Variants in PPM1N observed in about 807,000 individuals in gnomAD.
PPM1N encodes protein phosphatase, Mg2+/Mn2+ dependent 1N (putative), also known as probable protein phosphatase 1N.
In PPM1N, 35 loss-of-function variants were observed where a neutral mutation model predicts 32.6. The observed-to-expected ratio is 1.07, with a 90% CI of 0.82 to 1.43. PPM1N has a LOEUF of 1.43. PPM1N is among the 40% of genes most tolerant of loss of function. PPM1N has a pLI of 0.00. For missense variants in PPM1N, 648 were observed against 606.6 expected, an observed-to-expected ratio of 1.07 and a Z score of -0.72; for synonymous variants, 275 against 270.5, an observed-to-expected ratio of 1.02 and a Z score of -0.16.
chr19:45,499,612 G>C (rs773866543), intron 1 of PPM1N: 11 of 1,549,344 alleles, frequency 7.1e-6, no homozygotes, highest in Non-Finnish European at 7.8e-6. Flanking sequence ...TGAGGCACGG[G>C]AGAGTTAGTG....
chr19:45,499,328 G>A lies in PPM1N; in HGVS notation c.856G>A (p.Ala286Thr). 1 of 1,612,980 alleles carries A rather than the reference G, an allele frequency of 6.2e-7. No individual in the cohort carries two copies. Among genetic ancestry groups the A allele is most frequent in the Non-Finnish European group, 8.5e-7 (1 of 1,179,848 alleles). ...VWDTVSGAAL[A>T]GLVASRLRLG... ...GGACACTGTGTCTGGTGCTGCCCTG[G>A]CGGGACTGGTGGCTTCACGCCTCCG... is the stretch of plus-strand genomic sequence containing the variant. The change falls in exon 1 of 5, where the codon GCG (alanine) becomes ACG (threonine). Residue 286 changes from alanine (A) to threonine (T), a missense_variant. By Grantham distance (58) the Ala-to-Thr change is moderately conservative. Transcript: ENST00000451287.
chr19:45,498,803 G>A lies in PPM1N; in HGVS notation c.331G>A (p.Ala111Thr). 6.5e-7 allele frequency: 1 copy of A among 1,548,152 alleles called. No homozygotes were observed. The part of the protein sequence containing the change: ...VLDGHGGARA[A>T]RFGARHLPGH... ...CGACGGCCACGGTGGGGCTCGAGCT[G>A]CCCGCTTCGGTGCACGCCATTTGCC... The change falls in exon 1 of 5, where the codon GCC becomes ACC. Residue 111 changes from alanine (A) to threonine (T), a missense_variant. Transcript: ENST00000451287.
At chr19:45,499,664 C>A (rs990357589) in intron 1 of PPM1N, 2 of 1,547,078 alleles carry the variant, frequency 1.3e-6, no homozygotes, top group Admixed American at 2.0e-5. Flanking sequence ...TGGAAAGGGG[C>A]GATTCTGGGT....
Position 45,499,303 on chromosome 19 carries a change from G to T in PPM1N, c.831G>T (p.Trp277Cys). Reference sequence around the variant, plus strand: ...TGCTCCTGGCCTCTGATGGCGTCTGGGACACTGTGTCTGGTGCTGCCCTGG... The same window carrying T: ...TGCTCCTGGCCTCTGATGGCGTCTGTGACACTGTGTCTGGTGCTGCCCTGG... ...EFMLLASDGV[W>C]DTVSGAALAG... The change falls in exon 1 of 5, where the codon TGG (tryptophan) becomes TGT (cysteine). Residue 277 changes from tryptophan to cysteine, a missense_variant. Trp to Cys is a radical substitution (Grantham distance 215). Transcript: ENST00000451287. 6.2e-7 allele frequency: 1 copy of T among 1,613,162 alleles called. No homozygotes were observed. Among genetic ancestry groups the T allele is most frequent in the Non-Finnish European group, 8.5e-7 (1 of 1,179,852 alleles).
rs61574042 is a variant in PPM1N at position 45,502,308 on chromosome 19, GAAAAAAAAAAAAAAAA to G, written c.*234_*249del. 3.7e-5 allele frequency: 1 copy of G among 26,774 alleles called. No homozygotes were observed. The highest frequency in any genetic ancestry group is 1.7e-4 in the African/African-American group (1 of 5,724). The allele number at this position is 26,774 out of a possible 1,614,324, so 1.7% of individuals were successfully genotyped here. Reference sequence around the variant, plus strand: ...GACCAAAAAGAAAAAAGCCCAAATCGAAAAAAAAAAAAAAAAAAAAAAAAAACAAAAAAACCCAACC... The same window carrying G: ...GACCAAAAAGAAAAAAGCCCAAATCGAAAAAAAAAACAAAAAAACCCAACC... On this transcript the variant is annotated 3_prime_UTR_variant, in exon 5 of 5. Coordinates refer to ENST00000451287, the MANE Select transcript of PPM1N (RefSeq NM_001080401.2).
rs1406745857 is a variant in PPM1N at position 45,500,549 on chromosome 19, G to C, written c.1151G>C (p.Gly384Ala). The change falls in exon 3 of 5, where the codon GGG becomes GCG. Residue 384 changes from glycine to alanine, a missense_variant. Gly to Ala is a moderately conservative substitution (Grantham distance 60). Transcript: ENST00000451287. ...EDIPDLPPGG[G>A]LDCKATVIAE... ...ATCCCAGATTTACCTCCTGGGGGAG[G>C]GCTGGACTGCAAGTGAGTTGGGGTG... The C allele has an allele frequency of 6.2e-7, 1 of 1,610,150 alleles. No individual in the cohort carries two copies. The highest frequency in any genetic ancestry group is 8.5e-7 in the Non-Finnish European group (1 of 1,178,126).
At chr19:45,500,260 G>C (rs375513830) in intron 2 of PPM1N, among the ~76,000 whole-genome samples, 194 bp downstream of exon 2, 12 of 151,916 alleles carry the variant, frequency 7.9e-5, no homozygotes, top group African/African-American at 2.9e-4. Context: ...TCAGCCTCCT[G>C]AGTAGCTGGG....
rs773745373 is a variant in PPM1N, at chr19:45,499,633, A to G, written c.939+222A>G. 44 of 1,548,880 alleles carry G rather than the reference A, an allele frequency of 2.8e-5. No individual in the cohort carries two copies. In the South Asian group the frequency reaches 4.2e-4, roughly 15 times the overall value. On this transcript the variant is annotated intron_variant, in intron 1 of 4. Coordinates refer to ENST00000451287, the MANE Select transcript of PPM1N (RefSeq NM_001080401.2). ...ACGGGAGAGTTAGTGGAAGGGACTTAAGAGAAAGGGCGTGGTCTTTTGGAA... is the reference window on the plus strand; with the variant it reads ...ACGGGAGAGTTAGTGGAAGGGACTTGAGAGAAAGGGCGTGGTCTTTTGGAA...
rs765201209 is a variant in PPM1N at position 45,500,042 on chromosome 19, G to A, written c.1033G>A (p.Ala345Thr). 18 of 1,596,566 alleles carry A rather than the reference G, an allele frequency of 1.1e-5. No individual in the cohort carries two copies. The highest frequency in any genetic ancestry group is 1.7e-4 in the Middle Eastern group (1 of 6,060). The change falls in exon 2 of 5, where the codon GCA becomes ACA. Residue 345 changes from alanine (A) to threonine (T), a missense_variant. Coordinates refer to ENST00000451287, the MANE Select transcript of PPM1N (RefSeq NM_001080401.2). Reference sequence around the variant, plus strand: ...GATCAGGAGGGAGCTAGCACTGGACGCAGCCCTGGGCTGCAGAATCGCTGG... The same window carrying A: ...GATCAGGAGGGAGCTAGCACTGGACACAGCCCTGGGCTGCAGAATCGCTGG... ...EAIRRELALD[A>T]ALGCRIAELC...
In PPM1N at chr19:45,499,473, G is replaced by C. The variant is rs762337690; in HGVS notation, c.939+62G>C. On this transcript the variant is annotated intron_variant, in intron 1 of 4. Transcript: ENST00000451287. ...TGCAGCAGAGGGAGAGAGCCTCGGG[G>C]TTTTGGGGAGGAGGGCTTTGATAGA... 6 of 1,598,822 alleles carry C rather than the reference G, an allele frequency of 3.8e-6. No individual in the cohort carries two copies. The South Asian group carries it at 6.7e-5, about 18-fold the overall frequency.
chr19:45,499,720 G>A lies in PPM1N; in HGVS notation c.940-229G>A, dbSNP rs757187627. The A allele has an allele frequency of 1.0e-5, 16 of 1,543,416 alleles. No homozygotes were observed. In the Admixed American group the frequency reaches 3.0e-4, roughly 29 times the overall value. ...TATTGATTAGTGCTGGAAGGTGGAAGAGCAGGTAAACATCAGAGCGGGCGG... is the reference window on the plus strand; with the variant it reads ...TATTGATTAGTGCTGGAAGGTGGAAAAGCAGGTAAACATCAGAGCGGGCGG... On this transcript the variant is annotated intron_variant, in intron 1 of 4. Transcript: ENST00000451287.
rs772491110 is a variant in PPM1N at position 45,499,073 on chromosome 19, C to A, written c.601C>A (p.Arg201=). Residue 201 remains arginine (R), a synonymous_variant, in exon 1 of 5, where the codon CGG becomes AGG. Coordinates refer to ENST00000451287, the MANE Select transcript of PPM1N (RefSeq NM_001080401.2). The part of the protein sequence containing the change: ...GAVAFSTEDH[R]PLRPRERERI... ...CGTGGCCTTCAGCACAGAGGACCAC[C>A]GGCCCCTTCGACCCCGGGAACGCGA... The A allele has an allele frequency of 5.9e-6, 9 of 1,518,068 alleles. No homozygotes were observed. The East Asian group carries it at 1.6e-4, about 27-fold the overall frequency. 94.0% of individuals were successfully genotyped at this position (1,518,068 alleles called of 1,614,324 possible).
Position 45,498,528 on chromosome 19 carries a change from A to G in PPM1N, c.56A>G (p.Lys19Arg). Residue 19 changes from lysine (K) to arginine (R), a missense_variant, in exon 1 of 5, where the codon AAG becomes AGG. By Grantham distance (26) the Lys-to-Arg change is conservative. Transcript: ENST00000451287. ...QRLLWTACKK[K>R]EREKEGREEE... is the part of the protein sequence containing the mutation. ...CTCCTCTGGACCGCTTGCAAGAAAA[A>G]GGAGAGGGAGAAGGAGGGGAGGGAG... 1 of 1,421,660 alleles carries G rather than the reference A, an allele frequency of 7.0e-7. No homozygotes were observed. Among genetic ancestry groups the G allele is most frequent in the Admixed American group, 3.4e-5 (1 of 29,244 alleles). 88.1% of individuals were successfully genotyped at this position (1,421,660 alleles called of 1,614,324 possible).
Position 45,499,050 on chromosome 19 carries a change from T to C in PPM1N, c.578T>C (p.Val193Ala). 6.5e-7 allele frequency: 1 copy of C among 1,535,620 alleles called. No homozygotes were observed. The highest frequency in any genetic ancestry group is 1.7e-4 in the Middle Eastern group (1 of 5,834). ...GCGGTGCTGAGCCGCGCTGGCGCCG[T>C]GGCCTTCAGCACAGAGGACCACCGG... Reference protein sequence around the residue: ...SRAVLSRAGAVAFSTEDHRPL... With the variant: ...SRAVLSRAGAAAFSTEDHRPL... Residue 193 changes from valine to alanine, a missense_variant, in exon 1 of 5, where the codon GTG (valine) becomes GCG (alanine). Val to Ala is a moderately conservative substitution (Grantham distance 64). Transcript: ENST00000451287.
At chr19:45,501,215 A>G (rs1968409722) in intron 4 of PPM1N, among the ~76,000 whole-genome samples, 1 of 152,238 alleles carries the variant, frequency 6.6e-6, no homozygotes, top group South Asian at 2.1e-4. Flanking sequence ...GCTAATGACC[A>G]ATTCTAAGGC....
intron 1 of PPM1N, 98 bp from the exon 2 acceptor site, chr19:45,499,851 A>G (rs1968382166): frequency 6.6e-7 from 1 of 1,517,290 alleles, no homozygotes; most frequent in Non-Finnish European, 8.8e-7. Flanking sequence ...AGAAATGGGC[A>G]TAAGTAGAAT....
chr19:45,498,984 C>A lies in PPM1N; in HGVS notation c.512C>A (p.Ser171Tyr). ...GGCTAVVLLV[S>Y]PRFLYLAHCG... is the part of the protein sequence containing the mutation. Reference sequence around the variant, plus strand: ...TGCACGGCCGTGGTGTTGCTGGTCTCCCCGCGGTTTCTGTACCTGGCGCAC... The same window carrying A: ...TGCACGGCCGTGGTGTTGCTGGTCTACCCGCGGTTTCTGTACCTGGCGCAC... The change falls in exon 1 of 5, where the codon TCC (serine) becomes TAC (tyrosine). Residue 171 changes from serine (S) to tyrosine (Y), a missense_variant. By Grantham distance (144) the Ser-to-Tyr change is moderately radical. Transcript: ENST00000451287. The A allele has an allele frequency of 1.3e-6, 2 of 1,563,502 alleles. No homozygotes were observed. Among genetic ancestry groups the A allele is most frequent in the Non-Finnish European group, 1.7e-6 (2 of 1,164,024 alleles).
rs1168513041 is a variant in PPM1N, at chr19:45,498,755, G to A, written c.283G>A (p.Gly95Ser). ...GCTTTCGTTACCTGGTCTGCCCCCGGGCTGGGCCTTGTTTGCCGTCCTCGA... is the reference window on the plus strand; with the variant it reads ...GCTTTCGTTACCTGGTCTGCCCCCGAGCTGGGCCTTGTTTGCCGTCCTCGA... ...TWLSLPGLPP[G>S]WALFAVLDGH... Residue 95 changes from glycine to serine, a missense_variant, in exon 1 of 5, where the codon GGC becomes AGC. Transcript: ENST00000451287. 3 of 1,559,168 alleles carry A rather than the reference G, an allele frequency of 1.9e-6. No individual in the cohort carries two copies. The highest frequency in any genetic ancestry group is 2.8e-5 in the African/African-American group (2 of 71,440).
chr19:45,498,674 G>C lies in PPM1N; in HGVS notation c.202G>C (p.Gly68Arg), dbSNP rs564933218. 231 of 1,442,536 alleles carry C rather than the reference G, an allele frequency of 1.6e-4. 3 individuals carry two copies. The Middle Eastern group carries it at 2.7e-3, about 17-fold the overall frequency. The allele number at this position is 1,442,536 out of a possible 1,614,324, so 89.4% of individuals were successfully genotyped here. A position where few individuals can be genotyped will look rare whatever the true frequency, so the allele number is the denominator to read the frequency against. ...GAEASGGLRFGASAAQGWRAR... is the reference protein window; with the variant it reads ...GAEASGGLRFRASAAQGWRAR... ...CGAGGCGTCTGGGGGCCTGCGCTTC[G>C]GGGCGAGCGCAGCGCAAGGCTGGCG... is the stretch of plus-strand genomic sequence containing the variant. The change falls in exon 1 of 5, where the codon GGG (glycine) becomes CGG (arginine). Residue 68 changes from glycine (G) to arginine (R), a missense_variant. By Grantham distance (125) the Gly-to-Arg change is moderately radical. Transcript: ENST00000451287.
Sources: allele counts gnomAD v4.1 joint callset (sites outside exome capture counted in the v4.1 genomes callset), GRCh38; gene constraint gnomAD v4.1.1; transcripts MANE v1.5; gene names NCBI Gene and HGNC (gene_info 2026-07-23, HGNC 2026-07-21).